Variants in FHIT observed in about 807,000 individuals in gnomAD.
FHIT encodes fragile histidine triad diadenosine triphosphatase.
In FHIT, 19 loss-of-function variants were observed where a neutral mutation model predicts 17.9. That is an observed-to-expected ratio of 1.06 (90% CI 0.74 to 1.56). FHIT has a LOEUF of 1.56. Ranked by LOEUF, FHIT falls within the 40% of genes most tolerant of loss-of-function variation. The probability of loss-of-function intolerance (pLI) is 0.00; values close to 1 mark genes in which losing one functional copy is unlikely to be tolerated. For synonymous variants in FHIT, 81 were observed against 69.7 expected, an observed-to-expected ratio of 1.16 and a Z score of -0.81; for missense variants, 248 against 189.2, an observed-to-expected ratio of 1.31 and a Z score of -1.82.
At chr3:59,974,205 A>G (rs1194478839) in intron 7 of FHIT, among the ~76,000 whole-genome samples, 1 of 152,156 alleles carries the variant, frequency 6.6e-6, no homozygotes, top group Non-Finnish European at 1.5e-5. Flanking sequence ...CCCAACCCCA[A>G]AATGACAGAT....
intron 8 of FHIT, among the ~76,000 whole-genome samples, chr3:59,865,969 C>T (rs921789009): frequency 6.6e-6 from 1 of 152,174 alleles, no homozygotes; most frequent in African/African-American, 2.4e-5. Flanking sequence ...GTTTTATATA[C>T]CACAGTTTTA....
At chr3:61,212,092 C>T (rs866761421) in intron 1 of FHIT, among the ~76,000 whole-genome samples, 15 of 152,308 alleles carry the variant, frequency 9.8e-5, no homozygotes, top group Middle Eastern at 3.4e-3. Flanking sequence ...AAAAGCAGAG[C>T]GCTTCTCCTC....
chr3:60,361,178 T>C (rs1294807926), intron 5 of FHIT, among the ~76,000 whole-genome samples: 1 of 152,180 alleles, frequency 6.6e-6, no homozygotes, highest in Non-Finnish European at 1.5e-5. Flanking sequence ...AATGAGCAAG[T>C]CATGCCTTTG....
intron 3 of FHIT, among the ~76,000 whole-genome samples, chr3:60,903,509 G>T (rs1553763762): frequency 6.6e-6 from 1 of 152,178 alleles, no homozygotes; most frequent in Non-Finnish European, 1.5e-5. Flanking sequence ...TAGATGGAAG[G>T]CATGAAGCAA....
intron 5 of FHIT, among the ~76,000 whole-genome samples, chr3:60,040,294 T>C (rs1443026295): frequency 5.3e-5 from 8 of 152,008 alleles, no homozygotes. Context: ...TACAGGCATG[T>C]ACCACCATGC....
chr3:60,164,445 C>A (rs1440845809), intron 5 of FHIT, among the ~76,000 whole-genome samples: 1 of 152,208 alleles, frequency 6.6e-6, no homozygotes, highest in Non-Finnish European at 1.5e-5. Flanking sequence ...CTTTGCCCAG[C>A]TGCACCATCC....
chr3:59,902,108 C>T (rs1381513688), intron 8 of FHIT, among the ~76,000 whole-genome samples: 1 of 152,152 alleles, frequency 6.6e-6, no homozygotes, highest in Non-Finnish European at 1.5e-5. Flanking sequence ...GTACCCTCCC[C>T]TGTAAAATAA....
chr3:61,203,886 T>C (rs895956569), intron 1 of FHIT, among the ~76,000 whole-genome samples: 2 of 152,232 alleles, frequency 1.3e-5, no homozygotes, highest in African/African-American at 4.8e-5. Context: ...TCACAGAGAT[T>C]TGTACAATGT....
At chr3:60,238,890 A>G (rs1298695291) in intron 5 of FHIT, among the ~76,000 whole-genome samples, 1 of 152,208 alleles carries the variant, frequency 6.6e-6, no homozygotes, top group Non-Finnish European at 1.5e-5. Context: ...TTAGGAATGG[A>G]GCTGATTCCT....
chr3:61,188,514 C>T lies in FHIT; in HGVS notation c.-164+12103G>A, dbSNP rs542241145. ...ATTCTACCAGAGGTACAAGGAGGAG[C>T]TAGTACCAGTCCTTCTGAAACTATT... On this transcript the variant is annotated intron_variant, in intron 2 of 9. Transcript: ENST00000492590. Among the ~76,000 whole-genome samples, 6 of 152,318 alleles carry T rather than the reference C, an allele frequency of 3.9e-5. No homozygotes were observed. The East Asian group carries it at 9.6e-4, about 24-fold the overall frequency.
chr3:59,821,669 A>G (rs1700793777), intron 8 of FHIT, among the ~76,000 whole-genome samples: 2 of 152,088 alleles, frequency 1.3e-5, no homozygotes, highest in African/African-American at 4.8e-5. Flanking sequence ...AGTCCTGCTG[A>G]TGCCCCACCA....
chr3:60,278,042 C>G (rs562299764), intron 5 of FHIT, among the ~76,000 whole-genome samples: 3 of 152,212 alleles, frequency 2.0e-5, no homozygotes, highest in African/African-American at 7.2e-5. Flanking sequence ...ATCATAAGAT[C>G]AGATTACCTA....
intron 3 of FHIT, among the ~76,000 whole-genome samples, chr3:60,931,815 A>G (rs561421616): frequency 6.6e-6 from 1 of 152,350 alleles, no homozygotes; most frequent in East Asian, 1.9e-4. Flanking sequence ...GGCAGTAGCT[A>G]TTTAAATTTC....
At chr3:60,817,320 T>G (rs548319803) in intron 4 of FHIT, among the ~76,000 whole-genome samples, 1 of 152,204 alleles carries the variant, frequency 6.6e-6, no homozygotes, top group Admixed American at 6.5e-5. Flanking sequence ...CAAAATTTTT[T>G]CATTCCTTCT....
chr3:59,973,161 C>T (rs773314873), intron 7 of FHIT, among the ~76,000 whole-genome samples: 4 of 152,088 alleles, frequency 2.6e-5, no homozygotes, highest in Non-Finnish European at 5.9e-5. Flanking sequence ...TGACTGTCTT[C>T]CAAATGCATC....
At chr3:61,130,317 T>C (rs959889688) in intron 2 of FHIT, among the ~76,000 whole-genome samples, 2 of 152,242 alleles carry the variant, frequency 1.3e-5, no homozygotes, top group African/African-American at 4.8e-5. Flanking sequence ...GTGTTACTTA[T>C]GAGTCCTCTG....
At chr3:59,781,603 A>G (rs1219997111) in intron 8 of FHIT, among the ~76,000 whole-genome samples, 1 of 152,210 alleles carries the variant, frequency 6.6e-6, no homozygotes, top group Non-Finnish European at 1.5e-5. Context: ...AGAGTTCACA[A>G]AGGAAGGATT....
chr3:60,906,442 C>A (rs1179801021), intron 3 of FHIT, among the ~76,000 whole-genome samples: 3 of 152,194 alleles, frequency 2.0e-5, no homozygotes, highest in African/African-American at 7.2e-5. Context: ...TCTAATCTAC[C>A]TATCGCCTAG....
At position 60,238,823 on chromosome 3, in the gene FHIT, T is replaced by C. The variant is rs112498499; in HGVS notation, c.104-224671A>G. 7.5e-3 allele frequency among the ~76,000 whole-genome samples: 1,149 copies of C among 152,242 alleles called. 10 individuals are homozygous for C. The highest frequency in any genetic ancestry group is 0.026 in the African/African-American group (1,071 of 41,534). ...ATACAACAAAGCAAAAAGAAAAGTA[T>C]TGAATATGAAAACCAAAAAGATTCC... On this transcript the variant is annotated intron_variant, in intron 5 of 9. Transcript: ENST00000492590.
Sources: allele counts gnomAD v4.1 joint callset (sites outside exome capture counted in the v4.1 genomes callset), GRCh38; gene constraint gnomAD v4.1.1; transcripts MANE v1.5; gene names NCBI Gene and HGNC (gene_info 2026-07-23, HGNC 2026-07-21).